The following PPARGC1A variants were observed in gnomAD, a reference collection of about 807,000 sequenced individuals.
PPARGC1A encodes the protein PPARG coactivator 1 alpha.
In PPARGC1A, 25 loss-of-function variants were observed where a neutral mutation model predicts 88.7. The observed-to-expected ratio is 0.28, with a 90% CI of 0.21 to 0.39. The LOEUF (loss-of-function observed/expected upper bound fraction) is 0.39. Ranked by LOEUF, PPARGC1A falls within the 10% of genes least tolerant of loss-of-function variation. The pLI, the probability that PPARGC1A is intolerant of heterozygous loss-of-function variation, is 1.00. For missense variants in PPARGC1A, 880 were observed against 968.7 expected, an observed-to-expected ratio of 0.91 and a Z score of 1.22; for synonymous variants, 363 against 355.6, an observed-to-expected ratio of 1.02 and a Z score of -0.24.
chr4:24,453,032 T>C, the PPARGC1A span, among the ~76,000 whole-genome samples: 1 of 152,338 alleles, frequency 6.6e-6, no homozygotes, highest in South Asian at 2.1e-4. Flanking sequence ...CTCTGGTCTT[T>C]AGGGTGAATC....
the PPARGC1A span, among the ~76,000 whole-genome samples, chr4:24,454,433 C>T: frequency 5.9e-5 from 9 of 152,008 alleles, no homozygotes; most frequent in East Asian, 1.9e-4. Flanking sequence ...CAAAGCAATC[C>T]GGATAAGAAA....
chr4:23,836,830 T>C (rs1726107487), intron 2 of PPARGC1A, among the ~76,000 whole-genome samples: 1 of 152,146 alleles, frequency 6.6e-6, no homozygotes, highest in Non-Finnish European at 1.5e-5. Context: ...TGGCAGACAG[T>C]GCATTCAACT....
the PPARGC1A span, among the ~76,000 whole-genome samples, chr4:24,287,393 CT>C: frequency 1.1e-4 from 17 of 152,112 alleles, no homozygotes; most frequent in African/African-American, 3.4e-4. Flanking sequence ...AGATAATCAA[CT>C]TCTTTAATGT....
At chr4:24,071,400 C>T in the PPARGC1A span, among the ~76,000 whole-genome samples, 1 of 152,108 alleles carries the variant, frequency 6.6e-6, no homozygotes, top group Non-Finnish European at 1.5e-5. Context: ...TTAATATTAA[C>T]ATTGGAAAGC....
At chr4:24,378,480 T>A in the PPARGC1A span, among the ~76,000 whole-genome samples, 4 of 151,134 alleles carry the variant, frequency 2.6e-5, no homozygotes, top group East Asian at 7.7e-4. Flanking sequence ...ATAACCATGG[T>A]TAAAAAAAAA....
chr4:24,184,576 T>C, the PPARGC1A span, among the ~76,000 whole-genome samples: 1 of 152,178 alleles, frequency 6.6e-6, no homozygotes, highest in Admixed American at 6.5e-5. Context: ...AGGTATTCAA[T>C]AAATATTAGC....
At chr4:24,452,835 A>G in the PPARGC1A span, among the ~76,000 whole-genome samples, 1 of 152,226 alleles carries the variant, frequency 6.6e-6, no homozygotes, top group Non-Finnish European at 1.5e-5. Flanking sequence ...CTGGGATTTC[A>G]ACTCTATTAC....
the PPARGC1A span, among the ~76,000 whole-genome samples, chr4:24,160,053 T>C: frequency 6.6e-6 from 1 of 152,206 alleles, no homozygotes; most frequent in Non-Finnish European, 1.5e-5. Context: ...TAGAGCACTG[T>C]GGGAAATTCA....
the PPARGC1A span, among the ~76,000 whole-genome samples, chr4:24,303,795 A>G: frequency 6.6e-6 from 1 of 152,220 alleles, no homozygotes; most frequent in African/African-American, 2.4e-5. Flanking sequence ...GAAGAAAAAA[A>G]AGCAAAAATT....
the PPARGC1A span, among the ~76,000 whole-genome samples, chr4:23,959,152 G>T: frequency 2.6e-5 from 4 of 152,054 alleles, no homozygotes; most frequent in African/African-American, 9.7e-5. Context: ...GAGAATGAAT[G>T]CAAATGTGAC....
chr4:24,065,988 T>C, the PPARGC1A span, among the ~76,000 whole-genome samples: 1 of 152,138 alleles, frequency 6.6e-6, no homozygotes, highest in Admixed American at 6.5e-5. Flanking sequence ...CCACCAACCT[T>C]GGGAATCAGC....
chr4:23,974,199 A>ATG, the PPARGC1A span, among the ~76,000 whole-genome samples: 2 of 151,894 alleles, frequency 1.3e-5, no homozygotes, highest in African/African-American at 4.8e-5. Context: ...CTGCTTAAGA[A>ATG]TGTGTGTGTG....
chr4:24,241,771 G>A, the PPARGC1A span, among the ~76,000 whole-genome samples: 1 of 152,288 alleles, frequency 6.6e-6, no homozygotes, highest in South Asian at 2.1e-4. Flanking sequence ...TTCGGGAGGG[G>A]GGAAACAGTG....
the PPARGC1A span, among the ~76,000 whole-genome samples, chr4:23,920,995 C>G: frequency 6.6e-6 from 1 of 152,158 alleles, no homozygotes; most frequent in Non-Finnish European, 1.5e-5. Flanking sequence ...GGACACAACC[C>G]AGAGGACTGG....
At chr4:23,813,649 A>G in intron 8 of PPARGC1A, 41 bp downstream of exon 8, 1 of 1,440,398 alleles carries the variant, frequency 6.9e-7, no homozygotes. Flanking sequence ...TTTACTTCTT[A>G]GGAACACCTT....
At chr4:24,046,846 C>T in the PPARGC1A span, among the ~76,000 whole-genome samples, 1 of 152,168 alleles carries the variant, frequency 6.6e-6, no homozygotes, top group Non-Finnish European at 1.5e-5. Context: ...CCATATCTGC[C>T]ACTTGATGCA....
the PPARGC1A span, among the ~76,000 whole-genome samples, chr4:24,404,713 G>A: frequency 6.6e-6 from 1 of 152,190 alleles, no homozygotes; most frequent in Non-Finnish European, 1.5e-5. Context: ...GTCTTACCTA[G>A]ATAGAATACA....
the PPARGC1A span, among the ~76,000 whole-genome samples, chr4:24,200,655 C>CAGAAAAAAAAAAAAA: frequency 1.1e-5 from 1 of 88,316 alleles, no homozygotes; most frequent in Non-Finnish European, 2.2e-5. Context: ...ATTTATTAAG[C>CAGAAAAAAAAAAAAA]AAAAAAAAAA....
chr4:23,923,706 CA>C, the PPARGC1A span, among the ~76,000 whole-genome samples: 6 of 152,150 alleles, frequency 3.9e-5, no homozygotes. Context: ...TGTACTGAAA[CA>C]AAATTTTAAC....
Sources: gnomAD v4.1 joint callset for allele counts (sites outside exome capture counted in the v4.1 genomes callset) on GRCh38, gnomAD v4.1.1 for gene constraint, MANE v1.5 for transcripts, NCBI Gene and HGNC (gene_info 2026-07-23, HGNC 2026-07-21) for gene names.